Variants in DDX17 observed in about 807,000 individuals in gnomAD.
The protein encoded by DDX17 is probable ATP-dependent RNA helicase DDX17.
Under a neutral mutation model 80.8 loss-of-function variants are expected in DDX17, and 10 were observed. The observed-to-expected ratio is 0.12, with a 90% confidence interval of 0.08 to 0.21. DDX17 has a LOEUF of 0.21. Ranked by LOEUF, DDX17 falls within the 10% of genes least tolerant of loss-of-function variation. DDX17 has a pLI of 1.00. For missense variants in DDX17, 586 were observed against 957.4 expected, an observed-to-expected ratio of 0.61 and a Z score of 5.12; for synonymous variants, 339 against 336.2, an observed-to-expected ratio of 1.01 and a Z score of -0.09.
chr22:38,484,036 G>C lies in DDX17; in HGVS notation c.*1899C>G, dbSNP rs545943315. On this transcript the variant is annotated 3_prime_UTR_variant, in exon 13 of 13. Transcript: ENST00000403230. ...AGATGCTTTCAAGAGCTGCGAGAGA[G>C]TAGGGCATCCCTTGTGGTGGTACCT... 34 of 152,720 alleles carry C rather than the reference G, an allele frequency of 2.2e-4. No individual in the cohort carries two copies. The highest frequency in any genetic ancestry group is 8.2e-4 in the African/African-American group (34 of 41,564). 9.5% of individuals were successfully genotyped at this position (152,720 alleles called of 1,614,324 possible).
chr22:38,488,291 G>C, intron 11 of DDX17, 176 bp from the exon 12 acceptor site: 1 of 1,500,838 alleles, frequency 6.7e-7, no homozygotes, highest in South Asian at 1.4e-5. Flanking sequence ...CAGAGTAAAA[G>C]AGGATTACTG....
rs370539173 is a variant in DDX17 at position 38,498,391 on chromosome 22, G to C, written c.672+49C>G. 5.0e-6 allele frequency: 8 copies of C among 1,608,708 alleles called. No individual in the cohort carries two copies. In the African/African-American group the frequency reaches 8.0e-5, roughly 16 times the overall value. The stretch of plus-strand genomic sequence containing the variant: ...CTGAGAACGTATGACAACTAGAATA[G>C]CAAAATAAGTTACCACAATATCAAG... On this transcript the variant is annotated intron_variant, in intron 4 of 12. Coordinates refer to ENST00000403230, the MANE Select transcript of DDX17 (RefSeq NM_006386.5).
intron 12 of DDX17, 101 bp downstream of exon 12, chr22:38,487,778 C>T: frequency 8.2e-7 from 1 of 1,218,960 alleles, no homozygotes; most frequent in Non-Finnish European, 1.2e-6. Flanking sequence ...TATTAAGCAA[C>T]ATACTTACAG....
chr22:38,498,154 T>G lies in DDX17; in HGVS notation c.673-4A>C. 6.2e-7 allele frequency: 1 copy of G among 1,613,782 alleles called. No homozygotes were observed. The highest frequency in any genetic ancestry group is 8.5e-7 in the Non-Finnish European group (1 of 1,179,874). ...GAACAATTGCAGGCAGGAGATACTG[T>G]GGAGGGGGGAAAGAATGACAACCTT... On this transcript the variant is annotated splice_region_variant and splice_polypyrimidine_tract_variant and intron_variant, in intron 4 of 12. Coordinates refer to ENST00000403230, the MANE Select transcript of DDX17 (RefSeq NM_006386.5).
chr22:38,487,485 G>C (rs2089671754), intron 12 of DDX17, among the ~76,000 whole-genome samples: 2 of 152,152 alleles, frequency 1.3e-5, no homozygotes, highest in South Asian at 4.2e-4. Flanking sequence ...AGGGTGTGCT[G>C]GCGGGTGCCT....
At chr22:38,496,290 A>G (rs2089766261) in intron 5 of DDX17, among the ~76,000 whole-genome samples, 1 of 152,198 alleles carries the variant, frequency 6.6e-6, no homozygotes, top group Admixed American at 6.5e-5. Context: ...CTAAACCCCC[A>G]AAACCAAAAT....
At position 38,499,520 on chromosome 22, in the gene DDX17, A is replaced by G. The variant is rs770284438; in HGVS notation, c.439-21T>C. On this transcript the variant is annotated intron_variant, in intron 2 of 12. Transcript: ENST00000403230. ...TCATACTATTGAAAAAAAATGAAAG[A>G]AGTTAGTAAACTAGTTATTCTAAAC... 11 of 1,200,754 alleles carry G rather than the reference A, an allele frequency of 9.2e-6. No homozygotes were observed. The South Asian group carries it at 1.4e-4, about 15-fold the overall frequency. 74.4% of individuals were successfully genotyped at this position (1,200,754 alleles called of 1,614,324 possible).
chr22:38,488,158 G>A (rs1437212737), intron 11 of DDX17, 43 bp from the exon 12 acceptor site: 1 of 1,612,450 alleles, frequency 6.2e-7, no homozygotes, highest in South Asian at 1.1e-5. Flanking sequence ...TGATGTGGCA[G>A]GGAAAGAGAA....
At chr22:38,494,186 T>C (rs540957938) in intron 8 of DDX17, 55 bp from the exon 9 acceptor site, 1 of 1,226,632 alleles carries the variant, frequency 8.2e-7, no homozygotes, top group East Asian at 2.3e-5. Flanking sequence ...ATGTGGACGA[T>C]TATGTCTGCA....
chr22:38,502,498 C>A (rs1205089794), intron 1 of DDX17, among the ~76,000 whole-genome samples: 1 of 151,100 alleles, frequency 6.6e-6, no homozygotes, highest in African/African-American at 2.4e-5. Flanking sequence ...CCTTCTTGTT[C>A]CCAAATGGTA....
Position 38,495,477 on chromosome 22 carries a change from C to T in DDX17, c.880+319G>A, listed in dbSNP as rs574916161. 9.2e-4 allele frequency among the ~76,000 whole-genome samples: 140 copies of T among 152,248 alleles called. 1 individual carries two copies. Among genetic ancestry groups the T allele is most frequent in the African/African-American group, 3.3e-3 (136 of 41,530 alleles). On this transcript the variant is annotated intron_variant, in intron 6 of 12. Coordinates refer to ENST00000403230, the MANE Select transcript of DDX17 (RefSeq NM_006386.5). ...AGCCAGGATGGTCCCAATCTCTGGA[C>T]CTCGTGATCCGCCCACCTCGGCCTC...
intron 12 of DDX17, 32 bp from the exon 13 acceptor site, chr22:38,486,472 G>T: frequency 6.4e-7 from 1 of 1,550,456 alleles, no homozygotes; most frequent in Non-Finnish European, 8.7e-7. Context: ...ATTTTTAATG[G>T]CAGATATAGG....
chr22:38,502,702 C>T (rs1171079715), intron 1 of DDX17, among the ~76,000 whole-genome samples: 1 of 152,188 alleles, frequency 6.6e-6, no homozygotes, highest in African/African-American at 2.4e-5. Flanking sequence ...AGAATCTTAA[C>T]ACTAAGATGG....
chr22:38,489,654 T>C lies in DDX17; in HGVS notation c.1448-1539A>G. On this transcript the variant is annotated intron_variant, in intron 11 of 12. Coordinates refer to ENST00000403230, the MANE Select transcript of DDX17 (RefSeq NM_006386.5). This position sits in a 1 kb window ranked among gnomAD's most constrained non-coding sequence, Gnocchi z 4.6. ...AAAAAATTAGCTGTTGTTACAGGGC[T>C]TGTGAAGAAGGGGCATTATGTCTGT... 1 of 984,536 alleles carries C rather than the reference T, an allele frequency of 1.0e-6. No homozygotes were observed. Among genetic ancestry groups the C allele is most frequent in the Non-Finnish European group, 1.2e-6 (1 of 829,834 alleles). The allele number at this position is 984,536 out of a possible 1,614,324, so 61.0% of individuals were successfully genotyped here.
intron 6 of DDX17, among the ~76,000 whole-genome samples, chr22:38,495,542 C>A (rs1366355608): frequency 6.6e-6 from 1 of 152,112 alleles, no homozygotes; most frequent in Non-Finnish European, 1.5e-5. Context: ...ACCGCACTGG[C>A]CCAGAGAAGC....
At chr22:38,505,677 C>T (rs952591804) in intron 1 of DDX17, 2 of 435,106 alleles carry the variant, frequency 4.6e-6, no homozygotes, top group Middle Eastern at 5.9e-4. Flanking sequence ...CAGGCCGCCC[C>T]TCCCGATCCC....
chr22:38,486,236 G>A lies in DDX17; in HGVS notation c.1889C>T (p.Ala630Val), dbSNP rs768826862. 1.2e-6 allele frequency: 2 copies of A among 1,614,208 alleles called. No individual in the cohort carries two copies. Among genetic ancestry groups the A allele is most frequent in the South Asian group, 2.2e-5 (2 of 91,086 alleles). Residue 630 changes from alanine to valine, a missense_variant, in exon 13 of 13, where the codon GCA becomes GTA. By Grantham distance (64) the Ala-to-Val change is moderately conservative (BLOSUM62 0). Around this residue, in one of 4 missense-constraint regions of DDX17, gnomAD observed 221 missense variants for 261.4 expected, o/e 0.85. Coordinates refer to ENST00000403230, the MANE Select transcript of DDX17 (RefSeq NM_006386.5). ...GCCTTGACCATAGGTGTATTGGCCTGCTTGTGCTCCAAAGGCAGAATTTGG... is the reference window on the plus strand; with the variant it reads ...GCCTTGACCATAGGTGTATTGGCCTACTTGTGCTCCAAAGGCAGAATTTGG...
In DDX17 at chr22:38,484,153, T is replaced by G. The variant is rs2089630431; in HGVS notation, c.*1782A>C. On this transcript the variant is annotated 3_prime_UTR_variant, in exon 13 of 13. Transcript: ENST00000403230. ...GGCCAGTGCTTAGACAAATTTGGGG[T>G]TGGGGGGAACACTTTGGTTTGAAAG... is the stretch of plus-strand genomic sequence containing the variant. 1.3e-5 allele frequency: 2 copies of G among 151,592 alleles called. No individual in the cohort carries two copies. The highest frequency in any genetic ancestry group is 2.1e-4 in the South Asian group (1 of 4,706). 9.4% of individuals were successfully genotyped at this position (151,592 alleles called of 1,614,324 possible). A position where few individuals can be genotyped will look rare whatever the true frequency, so the allele number is the denominator to read the frequency against.
Position 38,499,433 on chromosome 22 carries a change from G to A in DDX17, c.505C>T (p.Pro169Ser). Residue 169 changes from proline (P) to serine (S), a missense_variant, in exon 3 of 13, where the codon CCC becomes TCC. Transcript: ENST00000403230. ...TTAGCATGATGGAAGGCAAACACGG[G>A]TTTAGGACAAACATCTCCCCCCCTC... 6.2e-7 allele frequency: 1 copy of A among 1,614,042 alleles called. No homozygotes were observed. The highest frequency in any genetic ancestry group is 8.5e-7 in the Non-Finnish European group (1 of 1,179,974).
Sources: allele counts gnomAD v4.1 joint callset (sites outside exome capture counted in the v4.1 genomes callset), GRCh38; gene constraint gnomAD v4.1.1; regional missense constraint gnomAD v4.1.1; non-coding constraint Gnocchi (gnomAD v3.1); transcripts MANE v1.5; gene names NCBI Gene and HGNC (gene_info 2026-07-23, HGNC 2026-07-21).